The following PLPPR1 variants were observed in gnomAD, a reference collection of about 807,000 sequenced individuals.
PLPPR1 encodes phospholipid phosphatase-related protein type 1.
A neutral mutation model predicts 33.1 loss-of-function variants in PLPPR1; 10 were observed. The observed-to-expected ratio is 0.30, with a 90% confidence interval of 0.19 to 0.51. PLPPR1 has a LOEUF of 0.51. PLPPR1 is among the 20% of genes least tolerant of loss of function. PLPPR1 has a pLI of 0.97. For missense variants in PLPPR1, 304 were observed against 408.1 expected (o/e 0.74, Z 2.20); for synonymous variants, 151 against 151.0 (o/e 1.00, Z 0.00).
chr9:101,316,145 A>G lies in PLPPR1; in HGVS notation c.814-1220A>G, dbSNP rs113112634. ...GTTCCCCTCTTCCCAGTTAAAGCAC[A>G]GTGTAGGGTCCTCGGGCGCGGTGGC... On this transcript the variant is annotated intron_variant, in intron 6 of 7. Coordinates refer to ENST00000374874, the MANE Select transcript of PLPPR1 (RefSeq NM_207299.2). Among the ~76,000 whole-genome samples the G allele has an allele frequency of 3.3e-5, 5 of 152,296 alleles. 1 individual carries two copies. The highest frequency in any genetic ancestry group is 2.1e-4 in the South Asian group (1 of 4,832).
At chr9:101,196,587 C>T (rs1002160613) in intron 2 of PLPPR1, among the ~76,000 whole-genome samples, 9 of 152,214 alleles carry the variant, frequency 5.9e-5, no homozygotes, top group African/African-American at 1.9e-4. Context: ...GTTGGCCGGA[C>T]GCGGCGGCTC....
chr9:101,221,819 T>C lies in PLPPR1; in HGVS notation c.63+36262T>C, dbSNP rs1398369037. Among the ~76,000 whole-genome samples the C allele has an allele frequency of 2.6e-5, 4 of 152,346 alleles. No individual in the cohort carries two copies. The East Asian group carries it at 7.7e-4, about 29-fold the overall frequency. On this transcript the variant is annotated intron_variant, in intron 2 of 7. Coordinates refer to ENST00000374874, the MANE Select transcript of PLPPR1 (RefSeq NM_207299.2). ...ATATTTACAGAGAATATACATTTGC[T>C]AAGAATTTGTTACTTATCAAGAAAT...
chr9:101,097,737 A>AGAG (rs1201699973), intron 1 of PLPPR1, among the ~76,000 whole-genome samples: 18 of 152,174 alleles, frequency 1.2e-4, no homozygotes, highest in Admixed American at 1.2e-3. Context: ...GAATCCACCC[A>AGAG]GAGGAGGATG....
At chr9:101,301,908 A>G (rs1828761681) in intron 4 of PLPPR1, among the ~76,000 whole-genome samples, 1 of 152,344 alleles carries the variant, frequency 6.6e-6, no homozygotes, top group South Asian at 2.1e-4. Flanking sequence ...GACATGTTAT[A>G]AAGTCCTTGC....
chr9:101,308,830 T>G (rs1460488978), intron 4 of PLPPR1, among the ~76,000 whole-genome samples: 4 of 152,178 alleles, frequency 2.6e-5, no homozygotes, highest in East Asian at 3.8e-4. Flanking sequence ...TGCACGTAGA[T>G]TATTCTCTTT....
chr9:101,269,722 C>T, intron 2 of PLPPR1, 158 bp from the exon 3 acceptor site: 1 of 669,932 alleles, frequency 1.5e-6, no homozygotes, highest in Non-Finnish European at 2.7e-6. Flanking sequence ...GACAAGCAAG[C>T]ACACACTCCC....
At chr9:101,115,330 G>T (rs558032907) in intron 1 of PLPPR1, among the ~76,000 whole-genome samples, 18 of 152,304 alleles carry the variant, frequency 1.2e-4, no homozygotes, top group Middle Eastern at 6.8e-3. Context: ...CATAAATTTA[G>T]CCTGTGAGGG....
intron 4 of PLPPR1, among the ~76,000 whole-genome samples, chr9:101,290,267 T>C (rs115050748): frequency 6.6e-6 from 1 of 152,220 alleles, no homozygotes; most frequent in Admixed American, 6.5e-5. Context: ...TACTACGCAA[T>C]TGACATTGGA....
At chr9:101,215,278 T>C (rs942893769) in intron 2 of PLPPR1, among the ~76,000 whole-genome samples, 1 of 151,774 alleles carries the variant, frequency 6.6e-6, no homozygotes, top group African/African-American at 2.4e-5. Flanking sequence ...TGATACTAGG[T>C]CTTTTTTTAT....
chr9:101,264,800 G>C (rs1391216654), intron 2 of PLPPR1, among the ~76,000 whole-genome samples: 2 of 152,148 alleles, frequency 1.3e-5, no homozygotes, highest in Non-Finnish European at 2.9e-5. Context: ...GGCCATCCTA[G>C]TTTTAGCCCT....
chr9:101,316,616 C>CAAAAAAAAA lies in PLPPR1; in HGVS notation c.814-745_814-737dup, dbSNP rs553324474. ...AGGGAAAAGGAGGGTTCTTCTTGGG[C>CAAAAAAAAA]AAAAAAAAAAAAGCAGGGAAGATGG... On this transcript the variant is annotated intron_variant, in intron 6 of 7. Coordinates refer to ENST00000374874, the MANE Select transcript of PLPPR1 (RefSeq NM_207299.2). 3.1e-4 allele frequency among the ~76,000 whole-genome samples: 26 copies of CAAAAAAAAA among 82,574 alleles called. 1 individual carries two copies. Among genetic ancestry groups the CAAAAAAAAA allele is most frequent in the Middle Eastern group, 5.6e-3 (1 of 178 alleles). The allele number at this position is 82,574 out of a possible 152,430, so 54.2% of individuals were successfully genotyped here.
intron 1 of PLPPR1, among the ~76,000 whole-genome samples, chr9:101,033,085 G>T (rs1015395558): frequency 2.0e-5 from 3 of 152,108 alleles, no homozygotes; most frequent in African/African-American, 4.8e-5. Flanking sequence ...CTGGAATGAG[G>T]GCCAGATCAT....
intron 2 of PLPPR1, among the ~76,000 whole-genome samples, chr9:101,193,902 G>C (rs944607933): frequency 6.6e-6 from 1 of 152,202 alleles, no homozygotes; most frequent in Non-Finnish European, 1.5e-5. Context: ...CATTCAGGAA[G>C]TCAACTTTCT....
rs183413446 is a variant in PLPPR1, at chr9:101,203,922, G to C, written c.63+18365G>C. Among the ~76,000 whole-genome samples, 327 of 152,096 alleles carry C rather than the reference G, an allele frequency of 2.1e-3. 2 individuals are homozygous for C. Among genetic ancestry groups the C allele is most frequent in the African/African-American group, 7.5e-3 (311 of 41,472 alleles). The stretch of plus-strand genomic sequence containing the variant: ...TCCATGTAGGATCAGAATAGGGAAA[G>C]GAATTTGAGAAAGAGTTATGTCTTT... On this transcript the variant is annotated intron_variant, in intron 2 of 7. Transcript: ENST00000374874.
intron 1 of PLPPR1, among the ~76,000 whole-genome samples, chr9:101,084,590 T>C (rs1049276902): frequency 1.3e-4 from 20 of 152,212 alleles, no homozygotes; most frequent in African/African-American, 4.3e-4. Flanking sequence ...CAGAGCTTCA[T>C]AGAGGGAGTC....
intron 1 of PLPPR1, chr9:101,185,030 CAG>C (rs923504345): frequency 6.6e-6 from 1 of 152,406 alleles, no homozygotes; most frequent in African/African-American, 2.4e-5. Context: ...AGAGCATAAA[CAG>C]ACAATTCTCT....
At chr9:101,044,034 GC>G (rs1326963851) in intron 1 of PLPPR1, among the ~76,000 whole-genome samples, 3 of 152,148 alleles carry the variant, frequency 2.0e-5, no homozygotes, top group Non-Finnish European at 4.4e-5. Context: ...AAACTAAAGA[GC>G]TTTTGCATGG....
chr9:101,096,823 G>C lies in PLPPR1; in HGVS notation c.-46+67721G>C, dbSNP rs549069537. 3.3e-5 allele frequency among the ~76,000 whole-genome samples: 5 copies of C among 152,292 alleles called. No homozygotes were observed. The East Asian group carries it at 7.7e-4, about 24-fold the overall frequency. Reference sequence around the variant, plus strand: ...TTCACACCTGTAATCCCAGCACCTTGAGAGGCTGACGTGGAAGGATTGCTT... The same window carrying C: ...TTCACACCTGTAATCCCAGCACCTTCAGAGGCTGACGTGGAAGGATTGCTT... On this transcript the variant is annotated intron_variant, in intron 1 of 7. Transcript: ENST00000374874.
intron 1 of PLPPR1, among the ~76,000 whole-genome samples, chr9:101,157,388 T>G (rs7867688): frequency 0.059 from 8,986 of 152,256 alleles, 882 homozygotes; most frequent in African/African-American, 0.2. Context: ...ATATATGAAC[T>G]GTAGACATCT....
Sources: gnomAD v4.1 joint callset for allele counts (sites outside exome capture counted in the v4.1 genomes callset) on GRCh38, gnomAD v4.1.1 for gene constraint, MANE v1.5 for transcripts, NCBI Gene and HGNC (gene_info 2026-07-23, HGNC 2026-07-21) for gene names.